Variants in KCNH8 observed in about 807,000 individuals in gnomAD.
KCNH8 encodes voltage-gated delayed rectifier potassium channel KCNH8.
KCNH8 carries 70 observed loss-of-function variants against 103.6 expected under a neutral mutation model. The observed-to-expected ratio is 0.68, with a 90% CI of 0.56 to 0.82. The LOEUF is 0.82. Among genes scored for constraint, KCNH8 ranks in the 40% least tolerant of loss-of-function variants. The pLI is 0.00. For synonymous variants in KCNH8, 498 were observed against 489.4 expected (o/e 1.02, Z -0.23); for missense variants, 1,217 against 1,329.9 (o/e 0.92, Z 1.32).
At chr3:19,491,951 G>T (rs547067270) in intron 11 of KCNH8, among the ~76,000 whole-genome samples, 1 of 151,992 alleles carries the variant, frequency 6.6e-6, no homozygotes, top group African/African-American at 2.4e-5. Context: ...TCATATGTTT[G>T]TTGGCCACTT....
intron 15 of KCNH8, among the ~76,000 whole-genome samples, chr3:19,525,728 C>T (rs957521171): frequency 8.6e-5 from 13 of 151,862 alleles, no homozygotes; most frequent in African/African-American, 1.2e-4. Flanking sequence ...TAAGAGACGT[C>T]GGCTGCACCT....
rs1032112785 is a variant in KCNH8, at chr3:19,512,954, T to C, written c.2080-16T>C. ...TTTTTGCAGTCTGTACTAATTTATA[T>C]TATCCACTGATTTAGTCAGAGCCCA... On this transcript the variant is annotated splice_polypyrimidine_tract_variant and intron_variant, in intron 12 of 15. Transcript: ENST00000328405. The C allele has an allele frequency of 6.2e-7, 1 of 1,606,752 alleles. No individual in the cohort carries two copies. Among genetic ancestry groups the C allele is most frequent in the African/African-American group, 1.3e-5 (1 of 74,588 alleles).
chr3:19,155,203 A>AT (rs2063169460), intron 1 of KCNH8, among the ~76,000 whole-genome samples: 1 of 152,160 alleles, frequency 6.6e-6, no homozygotes, highest in Admixed American at 6.5e-5. Context: ...TTCCAGCCTC[A>AT]TTATTGGCAT....
chr3:19,321,955 T>C (rs182538887), intron 3 of KCNH8, among the ~76,000 whole-genome samples: 64 of 152,224 alleles, frequency 4.2e-4, no homozygotes, highest in African/African-American at 1.4e-3. Context: ...CTTTTTTAAC[T>C]GCTGTTTCTT....
At chr3:19,171,097 G>GC (rs2063344722) in intron 1 of KCNH8, among the ~76,000 whole-genome samples, 1 of 152,030 alleles carries the variant, frequency 6.6e-6, no homozygotes, top group South Asian at 2.1e-4. Flanking sequence ...ACCACGCCCG[G>GC]CCCCTTGGGG....
chr3:19,148,916 C>T, intron 1 of KCNH8, 121 bp downstream of exon 1: 1 of 891,406 alleles, frequency 1.1e-6, no homozygotes. Flanking sequence ...CTGTTCTTGC[C>T]AAGGTATCTT....
chr3:19,336,084 T>C (rs2065580863), intron 3 of KCNH8, among the ~76,000 whole-genome samples: 1 of 151,690 alleles, frequency 6.6e-6, no homozygotes, highest in African/African-American at 2.4e-5. Flanking sequence ...TTATTTGGTA[T>C]CTTAAAGTTC....
At chr3:19,290,441 A>G (rs2064902824) in intron 3 of KCNH8, among the ~76,000 whole-genome samples, 1 of 152,256 alleles carries the variant, frequency 6.6e-6, no homozygotes, top group African/African-American at 2.4e-5. Flanking sequence ...AATTTATTGA[A>G]AGTTTTTATC....
At chr3:19,505,380 A>T (rs777408679) in intron 11 of KCNH8, among the ~76,000 whole-genome samples, 13 of 152,114 alleles carry the variant, frequency 8.5e-5, no homozygotes, top group Non-Finnish European at 1.5e-4. Context: ...GAATGAAATA[A>T]TCTGTACATC....
At chr3:19,209,655 A>T (rs1332485524) in intron 1 of KCNH8, among the ~76,000 whole-genome samples, 2 of 152,086 alleles carry the variant, frequency 1.3e-5, no homozygotes, top group Non-Finnish European at 2.9e-5. Context: ...TGCTATGAAT[A>T]CACAGCACAG....
chr3:19,213,630 G>A lies in KCNH8; in HGVS notation c.77-40024G>A, dbSNP rs557568202. ...TAGTCATCTTGATATGTCTTTACTG[G>A]CCTGGGGTACTATTTCAGTCATCTG... On this transcript the variant is annotated intron_variant, in intron 1 of 15. Transcript: ENST00000328405. 3.3e-5 allele frequency among the ~76,000 whole-genome samples: 5 copies of A among 152,208 alleles called. No homozygotes were observed. The South Asian group carries it at 1.0e-3, about 32-fold the overall frequency.
chr3:19,463,087 A>G (rs1019823759), intron 11 of KCNH8, among the ~76,000 whole-genome samples: 2 of 152,178 alleles, frequency 1.3e-5, no homozygotes, highest in South Asian at 2.1e-4. Flanking sequence ...ACATTGTATT[A>G]GGTATTATAA....
At chr3:19,160,400 A>G (rs1033267260) in intron 1 of KCNH8, among the ~76,000 whole-genome samples, 1 of 152,106 alleles carries the variant, frequency 6.6e-6, no homozygotes, top group Non-Finnish European at 1.5e-5. Context: ...TGTAGAGTTC[A>G]TTGAATTTTG....
At chr3:19,470,944 C>A (rs2067843547) in intron 11 of KCNH8, among the ~76,000 whole-genome samples, 1 of 152,186 alleles carries the variant, frequency 6.6e-6, no homozygotes, top group Non-Finnish European at 1.5e-5. Context: ...GGGTTCTCTC[C>A]TGTGTGGCCT....
chr3:19,466,489 T>G (rs1003241496), intron 11 of KCNH8, among the ~76,000 whole-genome samples: 1 of 152,044 alleles, frequency 6.6e-6, no homozygotes, highest in African/African-American at 2.4e-5. Flanking sequence ...ACAAACTTCA[T>G]TGTTGTTTTA....
intron 11 of KCNH8, among the ~76,000 whole-genome samples, chr3:19,467,422 A>G (rs2067764120): frequency 6.6e-6 from 1 of 152,190 alleles, no homozygotes; most frequent in Non-Finnish European, 1.5e-5. Flanking sequence ...TTTCTCTGTG[A>G]TAGACACTGT....
At chr3:19,157,971 ATACT>A (rs1375999639) in intron 1 of KCNH8, among the ~76,000 whole-genome samples, 1 of 151,630 alleles carries the variant, frequency 6.6e-6, no homozygotes, top group African/African-American at 2.4e-5. Flanking sequence ...ATTTTGTGTC[ATACT>A]TAGAGAGGCA....
intron 1 of KCNH8, among the ~76,000 whole-genome samples, chr3:19,185,230 ATT>A (rs1349502255): frequency 6.6e-6 from 1 of 151,866 alleles, no homozygotes; most frequent in Non-Finnish European, 1.5e-5. Context: ...TGGCAATACA[ATT>A]TTACATTTCT....
At chr3:19,427,828 G>A (rs577096476) in intron 7 of KCNH8, among the ~76,000 whole-genome samples, 3 of 152,258 alleles carry the variant, frequency 2.0e-5, no homozygotes, top group African/African-American at 7.2e-5. Context: ...CAGACCACAC[G>A]TCCTAGATGA....
Sources: gnomAD v4.1 joint callset for allele counts (sites outside exome capture counted in the v4.1 genomes callset) on GRCh38, gnomAD v4.1.1 for gene constraint, MANE v1.5 for transcripts, NCBI Gene and HGNC (gene_info 2026-07-23, HGNC 2026-07-21) for gene names.